Variants in HEATR5B observed in about 807,000 individuals in gnomAD.
HEATR5B encodes HEAT repeat-containing protein 5B.
Under a neutral mutation model 224.1 loss-of-function variants are expected in HEATR5B, and 156 were observed. The ratio of observed to expected loss-of-function variants is 0.70; its 90% CI spans 0.61 to 0.80. The LOEUF (loss-of-function observed/expected upper bound fraction) is 0.80, where lower values mean the gene tolerates loss of function less well. Ranked by LOEUF, HEATR5B falls within the 30% of genes least tolerant of loss-of-function variation. The probability of loss-of-function intolerance (pLI) is 0.00; values close to 1 mark genes in which losing one functional copy is unlikely to be tolerated. For synonymous variants in HEATR5B, 1,027 were observed against 893.0 expected (o/e 1.15, Z -2.68); for missense variants, 2,323 against 2,535.5 (o/e 0.92, Z 1.80).
At chr2:37,069,327 T>C (rs768576900) in intron 7 of HEATR5B, among the ~76,000 whole-genome samples, 1 of 152,216 alleles carries the variant, frequency 6.6e-6, no homozygotes. Flanking sequence ...TGTTTACTTA[T>C]ATTTTATACT....
At chr2:37,050,668 A>G (rs13423928) in intron 17 of HEATR5B, among the ~76,000 whole-genome samples, 70,896 of 152,048 alleles carry the variant, frequency 0.47, 17,155 homozygotes, top group African/African-American at 0.55. Context: ...CTCTTGATGA[A>G]TATGAAACTG....
Position 37,002,205 on chromosome 2 carries a change from T to C in HEATR5B, c.5317+101A>G, listed in dbSNP as rs1048578669. 6.2e-6 allele frequency: 8 copies of C among 1,284,488 alleles called. No individual in the cohort carries two copies. In the African/African-American group the frequency reaches 1.0e-4, roughly 17 times the overall value. 79.6% of individuals were successfully genotyped at this position (1,284,488 alleles called of 1,614,324 possible). On this transcript the variant is annotated intron_variant, in intron 32 of 35. Coordinates refer to ENST00000233099, the MANE Select transcript of HEATR5B (RefSeq NM_019024.3). The stretch of plus-strand genomic sequence containing the variant: ...CCAGCTTCTTATTTTTCACTTGAGA[T>C]TTAAGAGGAAACTGGGTTATAACAG...
Position 37,008,782 on chromosome 2 carries a change from T to A in HEATR5B, c.4351A>T (p.Thr1451Ser). ...CCACAGTCGTCATCATCATCGTCAG[T>A]ATTTTTAATTGCTCTTTTTGGTTTT... ...ESKPKRAIKN[T>S]DDDDDDCGTI... is the part of the protein sequence containing the mutation. The change falls in exon 28 of 36, where the codon ACT (threonine) becomes TCT (serine). Residue 1451 changes from threonine to serine, a missense_variant. By Grantham distance (58) the Thr-to-Ser change is moderately conservative. Transcript: ENST00000233099. 6.2e-7 allele frequency: 1 copy of A among 1,614,180 alleles called. No homozygotes were observed. Among genetic ancestry groups the A allele is most frequent in the South Asian group, 1.1e-5 (1 of 91,082 alleles).
chr2:37,068,606 G>T, intron 8 of HEATR5B, 75 bp downstream of exon 8: 1 of 1,453,524 alleles, frequency 6.9e-7, no homozygotes, highest in Non-Finnish European at 9.4e-7. Context: ...TCAGTCTTAT[G>T]GATATTTATT....
At chr2:36,996,750 G>A (rs532247370) in intron 33 of HEATR5B, among the ~76,000 whole-genome samples, 5 of 151,986 alleles carry the variant, frequency 3.3e-5, no homozygotes, top group Non-Finnish European at 7.4e-5. Context: ...GTGCCACCAC[G>A]CCCAGCTAAT....
chr2:37,043,610 T>C (rs956855399), intron 18 of HEATR5B, among the ~76,000 whole-genome samples: 3 of 151,880 alleles, frequency 2.0e-5, no homozygotes, highest in African/African-American at 4.8e-5. Flanking sequence ...TGTTTCCTAA[T>C]CCTTAAAAAA....
chr2:36,998,341 A>C (rs1666863734), intron 33 of HEATR5B, among the ~76,000 whole-genome samples: 1 of 152,252 alleles, frequency 6.6e-6, no homozygotes, highest in Admixed American at 6.5e-5. Context: ...TGCAAATTAA[A>C]ACCGTAAGAC....
chr2:37,006,365 A>T (rs990358902), intron 29 of HEATR5B, among the ~76,000 whole-genome samples: 1 of 152,300 alleles, frequency 6.6e-6, no homozygotes, highest in Non-Finnish European at 1.5e-5. Context: ...AAGCATCTAT[A>T]GCTGGGTGCA....
In HEATR5B at chr2:37,008,803, G is replaced by A; in HGVS notation, c.4330C>T (p.Pro1444Ser). The change falls in exon 28 of 36, where the codon CCA (proline) becomes TCA (serine). Residue 1444 changes from proline (P) to serine (S), a missense_variant. Physicochemically the swap from Pro to Ser is moderately conservative, Grantham distance 74. Around this residue, in one of 12 missense-constraint regions of HEATR5B, gnomAD observed 844 missense variants for 812.9 expected, o/e 1.04. Coordinates refer to ENST00000233099, the MANE Select transcript of HEATR5B (RefSeq NM_019024.3). ...MNIKKEAESK[P>S]KRAIKNTDDD... ...TCAGTATTTTTAATTGCTCTTTTTG[G>A]TTTTGACTCTGCTTCCTTTTTAATA... 1 of 1,613,764 alleles carries A rather than the reference G, an allele frequency of 6.2e-7. No individual in the cohort carries two copies.
At chr2:36,988,564 C>A in intron 35 of HEATR5B, 82 bp downstream of exon 35, 1 of 1,229,092 alleles carries the variant, frequency 8.1e-7, no homozygotes, top group Middle Eastern at 2.8e-4. Context: ...GCCCAGCAGG[C>A]CTGTTTCTAA....
chr2:36,981,518 G>A lies in HEATR5B; in HGVS notation c.6188C>T (p.Thr2063Ile). 3 of 1,599,180 alleles carry A rather than the reference G, an allele frequency of 1.9e-6. No homozygotes were observed. Among genetic ancestry groups the A allele is most frequent in the Non-Finnish European group, 2.6e-6 (3 of 1,174,548 alleles). ...QPAPAIHSAP[T>I]IKLKTSFF ...AAAAAAACTTGTTTTTAGCTTAATT[G>A]TTGGTGCAGAATGTATGGCGGGGGC... Residue 2063 changes from threonine (T) to isoleucine (I), a missense_variant, in exon 36 of 36, where the codon ACA (threonine) becomes ATA (isoleucine). Around this residue, in one of 12 missense-constraint regions of HEATR5B, gnomAD observed 844 missense variants for 812.9 expected, o/e 1.04. Coordinates refer to ENST00000233099, the MANE Select transcript of HEATR5B (RefSeq NM_019024.3).
intron 12 of HEATR5B, among the ~76,000 whole-genome samples, chr2:37,060,156 A>G (rs1221326817): frequency 1.3e-5 from 2 of 152,214 alleles, no homozygotes; most frequent in Admixed American, 1.3e-4. Context: ...TGGAGATTTG[A>G]TAAGGATGTG....
Position 36,981,788 on chromosome 2 carries a change from TG to T in HEATR5B, c.5917del (p.Gln1973SerfsTer6). On this transcript the variant is annotated frameshift_variant, in exon 36 of 36. Transcript: ENST00000233099. LOFTEE classifies it high-confidence loss of function. ...AGTGGGAACTAAAAGAGCAAGTAGC[TG>T]GACTCCTGTAAATAATAAAGTATGA... Reference protein sequence around the residue: ...VALGEEQNRVQLLALLVPTLI... With the variant: ...VALGEEQNRVXLLALLVPTLI... 6.2e-7 allele frequency: 1 copy of T among 1,604,326 alleles called. No homozygotes were observed. The highest frequency in any genetic ancestry group is 1.1e-5 in the South Asian group (1 of 89,838).
chr2:36,995,977 C>T (rs1190602753), intron 33 of HEATR5B, among the ~76,000 whole-genome samples: 1 of 152,050 alleles, frequency 6.6e-6, no homozygotes, highest in Non-Finnish European at 1.5e-5. Flanking sequence ...CCTCTGCCTC[C>T]TGGGCTCAAG....
intron 34 of HEATR5B, among the ~76,000 whole-genome samples, chr2:36,989,081 C>A (rs1047378275): frequency 2.0e-5 from 3 of 151,922 alleles, no homozygotes. Flanking sequence ...TTATACAATT[C>A]CTGTATTTCT....
intron 35 of HEATR5B, among the ~76,000 whole-genome samples, chr2:36,984,419 G>A (rs1240997709): frequency 2.6e-5 from 4 of 151,520 alleles, no homozygotes; most frequent in African/African-American, 4.8e-5. Flanking sequence ...TAGCATTTCC[G>A]TATAGAATTC....
In HEATR5B at chr2:37,005,612, A is replaced by T; in HGVS notation, c.4905+20T>A. On this transcript the variant is annotated intron_variant, in intron 30 of 35. Coordinates refer to ENST00000233099, the MANE Select transcript of HEATR5B (RefSeq NM_019024.3). ...TCAAAAAAAAACCACACAAGTATCT[A>T]TCATAGCAATACACTGTACCTGATC... 4.3e-6 allele frequency: 7 copies of T among 1,609,784 alleles called. No individual in the cohort carries two copies. Among genetic ancestry groups the T allele is most frequent in the Non-Finnish European group, 5.9e-6 (7 of 1,177,710 alleles).
In HEATR5B at chr2:37,084,275, G is replaced by A; in HGVS notation, c.-29C>T. On this transcript the variant is annotated 5_prime_UTR_variant, in exon 1 of 36. Transcript: ENST00000233099. ...CATGCTTCGGCGACCTCACCTCGTA[G>A]TCTGGAAGGGAAGATCAGCTGAGCT... is the stretch of plus-strand genomic sequence containing the variant. 2.5e-6 allele frequency: 1 copy of A among 393,132 alleles called. No homozygotes were observed. The highest frequency in any genetic ancestry group is 4.5e-6 in the Non-Finnish European group (1 of 223,026). 24.4% of individuals were successfully genotyped at this position (393,132 alleles called of 1,614,324 possible).
chr2:37,048,230 G>C (rs961417237), intron 18 of HEATR5B, among the ~76,000 whole-genome samples: 1 of 150,010 alleles, frequency 6.7e-6, no homozygotes, highest in African/African-American at 2.5e-5. Context: ...TGTCACCCAA[G>C]CTGGACAGTA....
Sources: allele counts gnomAD v4.1 joint callset (sites outside exome capture counted in the v4.1 genomes callset), GRCh38; gene constraint gnomAD v4.1.1; regional missense constraint gnomAD v4.1.1; transcripts MANE v1.5; gene names NCBI Gene and HGNC (gene_info 2026-07-23, HGNC 2026-07-21).